Variants in TNIP3 observed in about 807,000 individuals in gnomAD.
TNIP3 encodes TNFAIP3-interacting protein 3.
In TNIP3, 34 loss-of-function variants were observed where a neutral mutation model predicts 54.1. That is an observed-to-expected ratio of 0.63 (90% CI 0.48 to 0.84). TNIP3 has a LOEUF of 0.84. Ranked by LOEUF, TNIP3 falls within the 40% of genes least tolerant of loss-of-function variation. The pLI, the probability that TNIP3 is intolerant of heterozygous loss-of-function variation, is 0.00. For missense variants in TNIP3, 366 were observed against 387.6 expected (o/e 0.94, Z 0.47); for synonymous variants, 134 against 136.8 (o/e 0.98, Z 0.14).
chr4:121,178,856 C>T (rs538383732), intron 3 of TNIP3, among the ~76,000 whole-genome samples: 1 of 151,924 alleles, frequency 6.6e-6, no homozygotes, highest in Non-Finnish European at 1.5e-5. Flanking sequence ...CACTTTATAC[C>T]CCATCCTCAA....
intron 3 of TNIP3, among the ~76,000 whole-genome samples, chr4:121,170,331 T>C: frequency 6.6e-6 from 1 of 152,230 alleles, no homozygotes. Context: ...TGTATGAATC[T>C]ATAGTACAAA....
At chr4:121,211,326 A>C (rs917545065) in intron 2 of TNIP3, among the ~76,000 whole-genome samples, 1 of 152,268 alleles carries the variant, frequency 6.6e-6, no homozygotes, top group African/African-American at 2.4e-5. Context: ...AAAGGTATTC[A>C]AAACAAATCC....
intron 7 of TNIP3, among the ~76,000 whole-genome samples, chr4:121,146,008 C>A (rs1197647687): frequency 1.3e-5 from 2 of 150,898 alleles, no homozygotes; most frequent in Admixed American, 6.6e-5. Context: ...AGAGAATATA[C>A]AATATATACT....
At chr4:121,197,298 C>T (rs781100446) in intron 2 of TNIP3, among the ~76,000 whole-genome samples, 4 of 152,134 alleles carry the variant, frequency 2.6e-5, no homozygotes, top group East Asian at 1.9e-4. Context: ...GAAGCTGAAG[C>T]GGGTGGATCA....
intron 3 of TNIP3, among the ~76,000 whole-genome samples, chr4:121,180,560 A>G (rs1448338539): frequency 6.6e-6 from 1 of 152,202 alleles, no homozygotes; most frequent in Admixed American, 6.5e-5. Flanking sequence ...TAGCAGAGGG[A>G]AAGTTTTGGA....
chr4:121,206,232 T>A (rs1726182466), intron 2 of TNIP3, among the ~76,000 whole-genome samples: 1 of 152,328 alleles, frequency 6.6e-6, no homozygotes, highest in South Asian at 2.1e-4. Flanking sequence ...TTACTTGGGA[T>A]GTCTTTTAGA....
In TNIP3 at chr4:121,154,604, G is replaced by T; in HGVS notation, c.439C>A (p.Leu147Ile). ...ENKLLKGKNTLANKEKEHYEC... is the reference protein window; with the variant it reads ...ENKLLKGKNTIANKEKEHYEC... ...TAATGTTCCTTTTCCTTGTTCGCAAGAGTATTTTTTCCCTTTAAAAGTTTA... is the reference window on the plus strand; with the variant it reads ...TAATGTTCCTTTTCCTTGTTCGCAATAGTATTTTTTCCCTTTAAAAGTTTA... Residue 147 changes from leucine to isoleucine, a missense_variant, in exon 5 of 11, where the codon CTT becomes ATT. By Grantham distance (5) the Leu-to-Ile change is conservative (BLOSUM62 2). Transcript: ENST00000057513. 6.2e-7 allele frequency: 1 copy of T among 1,613,816 alleles called. No individual in the cohort carries two copies. The highest frequency in any genetic ancestry group is 1.1e-5 in the South Asian group (1 of 91,050).
intron 10 of TNIP3, among the ~76,000 whole-genome samples, chr4:121,135,055 T>C (rs1360349821): frequency 6.6e-6 from 1 of 152,146 alleles, no homozygotes; most frequent in African/African-American, 2.4e-5. Context: ...AGAGTCCTTA[T>C]GATGGGAAGG....
chr4:121,166,141 G>A (rs1396996975), upstream of TNIP3, among the ~76,000 whole-genome samples: 1 of 152,128 alleles, frequency 6.6e-6, no homozygotes, highest in Non-Finnish European at 1.5e-5. Context: ...ATATCCTGAT[G>A]CACATACATT....
chr4:121,182,828 T>G (rs1337524077), intron 2 of TNIP3: 1 of 1,532,234 alleles, frequency 6.5e-7, no homozygotes, highest in Non-Finnish European at 8.7e-7. Flanking sequence ...AGTTACATTA[T>G]ACAAAGGTAA....
At chr4:121,201,982 C>T (rs1205766040) in intron 2 of TNIP3, among the ~76,000 whole-genome samples, 1 of 152,068 alleles carries the variant, frequency 6.6e-6, no homozygotes, top group Admixed American at 6.5e-5. Context: ...GACCATACTG[C>T]CAAAAGCAAT....
chr4:121,133,726 G>T (rs2148790728), intron 10 of TNIP3, among the ~76,000 whole-genome samples: 1 of 152,276 alleles, frequency 6.6e-6, no homozygotes, highest in African/African-American at 2.4e-5. Context: ...TTCTTGAAGG[G>T]AAGGCAGAAT....
chr4:121,147,269 T>C (rs1013133447), intron 6 of TNIP3, 95 bp from the exon 7 acceptor site: 2 of 1,449,036 alleles, frequency 1.4e-6, no homozygotes, highest in South Asian at 1.4e-5. Flanking sequence ...ACTCCATTAT[T>C]GTAAAGAACC....
At chr4:121,150,044 G>C in intron 6 of TNIP3, 59 bp downstream of exon 6, 1 of 1,062,186 alleles carries the variant, frequency 9.4e-7, no homozygotes, top group Non-Finnish European at 1.4e-6. Context: ...AATGCCCAAA[G>C]AAGCATGAAA....
intron 2 of TNIP3, among the ~76,000 whole-genome samples, chr4:121,185,282 T>G (rs1002760654): frequency 2.6e-5 from 4 of 152,262 alleles, no homozygotes; most frequent in African/African-American, 9.6e-5. Context: ...ACTCCAGGCC[T>G]TGGTGTTTGC....
Position 121,161,200 on chromosome 4 carries a change from G to T in TNIP3, c.83C>A (p.Thr28Lys). 1.9e-6 allele frequency: 3 copies of T among 1,582,254 alleles called. No homozygotes were observed. The highest frequency in any genetic ancestry group is 1.7e-6 in the Non-Finnish European group (2 of 1,161,806). The change falls in exon 2 of 11, where the codon ACA (threonine) becomes AAA (lysine). Residue 28 changes from threonine (T) to lysine (K), a missense_variant. Coordinates refer to ENST00000057513, the MANE Select transcript of TNIP3 (RefSeq NM_024873.6). Reference protein sequence around the residue: ...TEHKECAEPSTRKNLMNSLEQ... With the variant: ...TEHKECAEPSKRKNLMNSLEQ... ...AAGAGAATTCATCAAGTTCTTTCTT[G>T]TTGATGGTTCAGCACACTTAGAAAA... is the stretch of plus-strand genomic sequence containing the variant.
intron 2 of TNIP3, among the ~76,000 whole-genome samples, chr4:121,200,180 G>A (rs993581617): frequency 6.6e-6 from 1 of 151,888 alleles, no homozygotes; most frequent in African/African-American, 2.4e-5. Context: ...GCTTCCTCTT[G>A]CCTTGGTTCT....
At chr4:121,166,228 T>C (rs74488613), upstream of TNIP3, among the ~76,000 whole-genome samples, 8,554 of 152,264 alleles carry the variant, frequency 0.056, 389 homozygotes, top group African/African-American at 0.12. Context: ...GCCTCTTCTG[T>C]TATGCAGATA....
At chr4:121,225,192 A>G (rs1727204699) in intron 1 of TNIP3, among the ~76,000 whole-genome samples, 1 of 152,210 alleles carries the variant, frequency 6.6e-6, no homozygotes, top group Non-Finnish European at 1.5e-5. Context: ...TATCACAATG[A>G]TCCATTAACT....
Sources: allele counts gnomAD v4.1 joint callset (sites outside exome capture counted in the v4.1 genomes callset), GRCh38; gene constraint gnomAD v4.1.1; transcripts MANE v1.5; gene names NCBI Gene and HGNC (gene_info 2026-07-23, HGNC 2026-07-21).